The following CCDC32 variants were observed in gnomAD, a reference collection of about 807,000 sequenced individuals.
CCDC32 encodes the protein coiled-coil domain-containing protein 32.
CCDC32 carries 9 observed loss-of-function variants against 20.1 expected under a neutral mutation model. That is an observed-to-expected ratio of 0.45 (90% CI 0.27 to 0.78). The LOEUF (loss-of-function observed/expected upper bound fraction) is 0.78. Among genes scored for constraint, CCDC32 ranks in the 30% least tolerant of loss-of-function variants. The probability of loss-of-function intolerance (pLI) is 0.16; values close to 1 mark genes in which losing one functional copy is unlikely to be tolerated. For synonymous variants in CCDC32, 63 were observed against 79.0 expected (o/e 0.80, Z 1.07); for missense variants, 204 against 215.5 (o/e 0.95, Z 0.33).
chr15:40,524,314 G>A (rs1455272881), downstream of CCDC32, among the ~76,000 whole-genome samples: 3 of 151,692 alleles, frequency 2.0e-5, no homozygotes, highest in Middle Eastern at 3.2e-3. Context: ...CCGCCACCAC[G>A]CCCAGCTAAT....
downstream of CCDC32, among the ~76,000 whole-genome samples, chr15:40,524,771 A>G (rs1894880196): frequency 2.4e-5 from 2 of 82,252 alleles, no homozygotes; most frequent in South Asian, 3.6e-4. Context: ...TTTTTTTTGG[A>G]GACTGGGTCT....
chr15:40,564,879 G>C, intron 1 of CCDC32, 97 bp downstream of exon 1: 4 of 1,495,462 alleles, frequency 2.7e-6, no homozygotes, highest in Non-Finnish European at 3.7e-6. Context: ...CTGTCTGGAC[G>C]GGATGAATCA....
At chr15:40,521,552 T>C in the CCDC32 span, among the ~76,000 whole-genome samples, 3 of 152,248 alleles carry the variant, frequency 2.0e-5, no homozygotes, top group African/African-American at 4.8e-5. Context: ...GTGAAATTGC[T>C]GCATCATATG....
rs371031418 is a variant in CCDC32 at position 40,541,891 on chromosome 15, G to A, written c.402-2536C>T. Among the ~76,000 whole-genome samples the A allele has an allele frequency of 9.2e-5, 14 of 152,320 alleles. No individual in the cohort carries two copies. The South Asian group carries it at 2.5e-3, about 27-fold the overall frequency. On this transcript the variant is annotated intron_variant, in intron 3 of 3. Transcript: ENST00000558113. ...TGAGCTAAGATAAGAACTGTTGGAG[G>A]GCTCTGCCTCTGACCACTGACTGGT...
downstream of CCDC32, among the ~76,000 whole-genome samples, chr15:40,551,163 A>T (rs1325271993): frequency 6.6e-6 from 1 of 152,102 alleles, no homozygotes; most frequent in Non-Finnish European, 1.5e-5. Context: ...CGGGCGGATC[A>T]TGAGGTCAGG....
At chr15:40,549,227 G>A (rs1479882105), downstream of CCDC32, among the ~76,000 whole-genome samples, 1 of 152,006 alleles carries the variant, frequency 6.6e-6, no homozygotes, top group Admixed American at 6.6e-5. Flanking sequence ...TCCTTAACAT[G>A]GTTTATAAAA....
chr15:40,562,406 C>G lies in CCDC32; in HGVS notation c.244+366G>C, dbSNP rs528864304. ...CTAGCCAACATGGTGAAATGAAACC[C>G]CATCTCTACTAAAAATACAAAAAAT... On this transcript the variant is annotated intron_variant, in intron 2 of 3. Coordinates refer to ENST00000416810, the MANE Select transcript of CCDC32 (RefSeq NM_001080792.4). Among the ~76,000 whole-genome samples the G allele has an allele frequency of 2.0e-4, 30 of 151,984 alleles. 1 individual carries two copies. Among genetic ancestry groups the G allele is most frequent in the African/African-American group, 7.2e-4 (30 of 41,438 alleles).
chr15:40,547,604 G>A (rs1889674001), intron 3 of CCDC32, among the ~76,000 whole-genome samples: 1 of 152,162 alleles, frequency 6.6e-6, no homozygotes, highest in African/African-American at 2.4e-5. Flanking sequence ...CAGGAGCAAT[G>A]GGTCTTTGCC....
chr15:40,558,381 G>T (rs770851862), intron 2 of CCDC32, among the ~76,000 whole-genome samples: 1 of 152,072 alleles, frequency 6.6e-6, no homozygotes, highest in Non-Finnish European at 1.5e-5. Context: ...TTAAATATTT[G>T]CAGGGTTTGT....
downstream of CCDC32, among the ~76,000 whole-genome samples, chr15:40,530,044 C>A (rs370093427): frequency 3.2e-4 from 49 of 151,180 alleles, 1 homozygote; most frequent in East Asian, 3.1e-3. Context: ...GCAATCCCAG[C>A]GTTTTGGGAG....
chr15:40,527,471 G>A (rs975432118), downstream of CCDC32, among the ~76,000 whole-genome samples: 1 of 152,100 alleles, frequency 6.6e-6, no homozygotes, highest in Non-Finnish European at 1.5e-5. Flanking sequence ...GCACCCCACC[G>A]AATGTTCTTA....
intron 3 of CCDC32, among the ~76,000 whole-genome samples, chr15:40,542,337 C>T (rs962321156): frequency 1.3e-5 from 2 of 152,154 alleles, no homozygotes; most frequent in African/African-American, 2.4e-5. Flanking sequence ...TAAAGCCAAC[C>T]GGGTCTCTCT....
intron 2 of CCDC32, among the ~76,000 whole-genome samples, chr15:40,562,568 GAA>G (rs1345383939): frequency 6.6e-6 from 1 of 151,958 alleles, no homozygotes; most frequent in African/African-American, 2.4e-5. Context: ...CAACAAGAGT[GAA>G]AGTCTCAAAA....
the CCDC32 span, among the ~76,000 whole-genome samples, chr15:40,521,280 A>G: frequency 6.6e-6 from 1 of 152,234 alleles, no homozygotes; most frequent in Non-Finnish European, 1.5e-5. Context: ...CATATTCTAG[A>G]CATTGCATAT....
At chr15:40,551,674 G>T (rs1297934345), downstream of CCDC32, among the ~76,000 whole-genome samples, 1 of 151,934 alleles carries the variant, frequency 6.6e-6, no homozygotes, top group Non-Finnish European at 1.5e-5. Context: ...GCTGGGCATG[G>T]TGGTATGCAC....
chr15:40,564,683 C>G, intron 1 of CCDC32: 3 of 1,592,778 alleles, frequency 1.9e-6, no homozygotes, highest in Non-Finnish European at 2.6e-6. Flanking sequence ...ACACGGCGGT[C>G]CTGGGTGAAC....
At chr15:40,523,118 C>T in the CCDC32 span, among the ~76,000 whole-genome samples, 1 of 151,712 alleles carries the variant, frequency 6.6e-6, no homozygotes, top group Non-Finnish European at 1.5e-5. Context: ...CTCATCTCTA[C>T]TAAGTGATCC....
At chr15:40,551,537 T>G (rs1040318890), downstream of CCDC32, among the ~76,000 whole-genome samples, 7 of 152,034 alleles carry the variant, frequency 4.6e-5, no homozygotes, top group Admixed American at 1.3e-4. Flanking sequence ...AGAGCCACTC[T>G]CTGTGTCACA....
At chr15:40,563,209 A>G (rs1421670522) in intron 1 of CCDC32, among the ~76,000 whole-genome samples, 182 bp from the exon 2 acceptor site, 1 of 152,154 alleles carries the variant, frequency 6.6e-6, no homozygotes. Context: ...CTAAAAATAC[A>G]AAAATTAGAC....
Sources: gnomAD v4.1 joint callset for allele counts (sites outside exome capture counted in the v4.1 genomes callset) on GRCh38, gnomAD v4.1.1 for gene constraint, MANE v1.5 for transcripts, NCBI Gene and HGNC (gene_info 2026-07-23, HGNC 2026-07-21) for gene names.